FNDC3A: variants seen among roughly 807,000 people sequenced by gnomAD.
FNDC3A encodes fibronectin type-III domain-containing protein 3A.
FNDC3A carries 32 observed loss-of-function variants against 148.9 expected under a neutral mutation model. The ratio of observed to expected loss-of-function variants is 0.21; its 90% CI spans 0.16 to 0.29. FNDC3A has a LOEUF of 0.29. FNDC3A is among the 10% of genes least tolerant of loss of function. The probability of loss-of-function intolerance (pLI) is 1.00; values close to 1 mark genes in which losing one functional copy is unlikely to be tolerated. For missense variants in FNDC3A, 1,191 were observed against 1,452.8 expected, an observed-to-expected ratio of 0.82 and a Z score of 2.93; for synonymous variants, 472 against 473.6, an observed-to-expected ratio of 1.00 and a Z score of 0.04.
At chr13:48,993,966 C>G (rs1257590518) in intron 1 of FNDC3A, among the ~76,000 whole-genome samples, 4 of 152,120 alleles carry the variant, frequency 2.6e-5, no homozygotes, top group African/African-American at 7.2e-5. Flanking sequence ...CTGTGTTTCA[C>G]TAGAATGATA....
At chr13:49,159,576 T>G (rs1883956673) in intron 8 of FNDC3A, among the ~76,000 whole-genome samples, 1 of 152,218 alleles carries the variant, frequency 6.6e-6, no homozygotes. Flanking sequence ...AGGGACAATT[T>G]GACTTCCTGT....
intron 2 of FNDC3A, among the ~76,000 whole-genome samples, chr13:49,030,445 CT>C (rs1190692460): frequency 2.0e-5 from 3 of 152,146 alleles, no homozygotes; most frequent in African/African-American, 7.2e-5. Flanking sequence ...TGCTTTTCCT[CT>C]AAGATGAGAA....
At chr13:49,122,329 G>C (rs986598481) in intron 4 of FNDC3A, among the ~76,000 whole-genome samples, 4 of 151,984 alleles carry the variant, frequency 2.6e-5, no homozygotes, top group Non-Finnish European at 5.9e-5. Context: ...CAATAAACTA[G>C]GTATTGATGG....
At chr13:49,032,609 G>A (rs1021357638) in intron 2 of FNDC3A, among the ~76,000 whole-genome samples, 2 of 152,110 alleles carry the variant, frequency 1.3e-5, no homozygotes, top group East Asian at 1.9e-4. Flanking sequence ...GGTGGAGGGC[G>A]CCTGTGGTCC....
Position 49,209,496 on chromosome 13 carries a change from T to C in FNDC3A, c.*2101T>C, listed in dbSNP as rs1056511386. On this transcript the variant is annotated 3_prime_UTR_variant, in exon 26 of 26. Coordinates refer to ENST00000492622, the MANE Select transcript of FNDC3A (RefSeq NM_001079673.2). ...TAAAATTGTATAAGGCTGAATGAAC[T>C]TCATACAAATGAAAAAAATCTCATA... 1 of 152,590 alleles carries C rather than the reference T, an allele frequency of 6.6e-6. No homozygotes were observed. Among genetic ancestry groups the C allele is most frequent in the African/African-American group, 2.4e-5 (1 of 41,442 alleles). 9.5% of individuals were successfully genotyped at this position (152,590 alleles called of 1,614,324 possible). A position where few individuals can be genotyped will look rare whatever the true frequency, so the allele number is the denominator to read the frequency against.
chr13:49,045,793 T>C, intron 2 of FNDC3A: 1 of 233,386 alleles, frequency 4.3e-6, no homozygotes, highest in Non-Finnish European at 8.5e-6. Context: ...GACAGTCCTT[T>C]TTTTTTTTTT....
rs539167908 is a variant in FNDC3A at position 49,144,531 on chromosome 13, T to C, written c.820-1247T>C. 8.5e-5 allele frequency among the ~76,000 whole-genome samples: 13 copies of C among 152,338 alleles called. No individual in the cohort carries two copies. The South Asian group carries it at 2.1e-3, about 24-fold the overall frequency. On this transcript the variant is annotated intron_variant, in intron 7 of 25. Transcript: ENST00000492622. ...AATGCTAAGGTAGTTGTTAAACATATATAATTTTAAAGCAAGCTTTTATAT... is the reference window on the plus strand; with the variant it reads ...AATGCTAAGGTAGTTGTTAAACATACATAATTTTAAAGCAAGCTTTTATAT...
chr13:49,159,438 G>A (rs1200991209), intron 8 of FNDC3A, among the ~76,000 whole-genome samples: 3 of 152,174 alleles, frequency 2.0e-5, no homozygotes, highest in East Asian at 1.9e-4. Context: ...TTGGTGTATA[G>A]TAATGCTTGT....
intron 2 of FNDC3A, among the ~76,000 whole-genome samples, chr13:49,016,083 G>A (rs1422991115): frequency 6.6e-6 from 1 of 152,220 alleles, no homozygotes; most frequent in East Asian, 1.9e-4. Context: ...TTGTGTCTCT[G>A]CCTGGCTTTG....
At chr13:49,060,994 T>C (rs772158152) in intron 2 of FNDC3A, among the ~76,000 whole-genome samples, 1 of 152,172 alleles carries the variant, frequency 6.6e-6, no homozygotes, top group East Asian at 1.9e-4. Flanking sequence ...TTTTATGTTA[T>C]ATGAATTTCA....
intron 2 of FNDC3A, among the ~76,000 whole-genome samples, chr13:49,041,999 A>T (rs1223513458): frequency 6.6e-6 from 1 of 152,086 alleles, no homozygotes; most frequent in Non-Finnish European, 1.5e-5. Flanking sequence ...TGAGTACTAG[A>T]TAAAAAATAA....
At position 49,209,134 on chromosome 13, in the gene FNDC3A, T is replaced by C. The variant is rs890778785; in HGVS notation, c.*1739T>C. ...CCAGAAACAACAGTGATTGCGATTG[T>C]TTTCTAGAAACTTCTTTAAAGTGCC... On this transcript the variant is annotated 3_prime_UTR_variant, in exon 26 of 26. Transcript: ENST00000492622. 6.6e-6 allele frequency: 1 copy of C among 152,606 alleles called. No individual in the cohort carries two copies. The highest frequency in any genetic ancestry group is 1.5e-5 in the Non-Finnish European group (1 of 68,030). The allele number at this position is 152,606 out of a possible 1,614,324, so 9.5% of individuals were successfully genotyped here.
intron 7 of FNDC3A, among the ~76,000 whole-genome samples, chr13:49,143,458 T>G (rs569427186): frequency 6.6e-6 from 1 of 152,308 alleles, no homozygotes; most frequent in African/African-American, 2.4e-5. Flanking sequence ...AACATAGTAT[T>G]CTGGAAGTCT....
intron 8 of FNDC3A, among the ~76,000 whole-genome samples, chr13:49,159,369 T>C (rs1193478025): frequency 6.6e-6 from 1 of 152,186 alleles, no homozygotes; most frequent in Non-Finnish European, 1.5e-5. Flanking sequence ...GGTATTTTAT[T>C]CTCTTTGAAG....
intron 7 of FNDC3A, among the ~76,000 whole-genome samples, 197 bp downstream of exon 7, chr13:49,139,002 A>G (rs1176638833): frequency 6.6e-6 from 1 of 152,150 alleles, no homozygotes; most frequent in Non-Finnish European, 1.5e-5. Flanking sequence ...GAAGAGCTAC[A>G]TAGTTTTGTC....
intron 7 of FNDC3A, among the ~76,000 whole-genome samples, chr13:49,145,325 T>G (rs889007603): frequency 1.3e-5 from 2 of 152,222 alleles, no homozygotes; most frequent in African/African-American, 4.8e-5. Context: ...CTGTTTTAAT[T>G]TACATGTATT....
intron 7 of FNDC3A, among the ~76,000 whole-genome samples, chr13:49,144,274 C>T (rs749226507): frequency 1.3e-5 from 2 of 151,892 alleles, no homozygotes; most frequent in Admixed American, 1.3e-4. Context: ...TTTTTAAGTT[C>T]ATTGTAAATG....
chr13:49,074,731 T>A (rs1476261761), intron 2 of FNDC3A, among the ~76,000 whole-genome samples: 1 of 152,178 alleles, frequency 6.6e-6, no homozygotes, highest in Non-Finnish European at 1.5e-5. Context: ...ATGTTAACAA[T>A]GTGTATCTTA....
At chr13:49,149,086 A>G (rs1257594069) in intron 8 of FNDC3A, among the ~76,000 whole-genome samples, 1 of 151,426 alleles carries the variant, frequency 6.6e-6, no homozygotes, top group Non-Finnish European at 1.5e-5. Context: ...TATTTATCAG[A>G]TCCAAGAGTT....
Sources: gnomAD v4.1 joint callset for allele counts (sites outside exome capture counted in the v4.1 genomes callset) on GRCh38, gnomAD v4.1.1 for gene constraint, MANE v1.5 for transcripts, NCBI Gene and HGNC (gene_info 2026-07-23, HGNC 2026-07-21) for gene names.